Variants in TLN2 observed in about 807,000 individuals in gnomAD.
TLN2 encodes talin 2.
TLN2 carries 118 observed loss-of-function variants against 294.7 expected under a neutral mutation model. The ratio of observed to expected loss-of-function variants is 0.40; its 90% CI spans 0.34 to 0.47. The LOEUF (loss-of-function observed/expected upper bound fraction) is 0.47. TLN2 is among the 20% of genes least tolerant of loss of function. TLN2 has a pLI of 0.84. For synonymous variants in TLN2, 1,431 were observed against 1,304.5 expected (o/e 1.10, Z -2.09); for missense variants, 3,083 against 3,282.2 (o/e 0.94, Z 1.48).
At chr15:62,613,665 G>A (rs116177330) in intron 2 of TLN2, among the ~76,000 whole-genome samples, 584 of 152,166 alleles carry the variant, frequency 3.8e-3, no homozygotes, top group African/African-American at 0.013. Context: ...ACTCTTTACC[G>A]TAAGCTTTAT....
chr15:62,595,281 G>C (rs1027486716), intron 2 of TLN2, among the ~76,000 whole-genome samples: 2 of 152,014 alleles, frequency 1.3e-5, no homozygotes, highest in African/African-American at 4.8e-5. Context: ...TTAACCAGAC[G>C]TGGTGGTGGG....
At chr15:62,777,202 G>C (rs1406435915) in intron 43 of TLN2, among the ~76,000 whole-genome samples, 1 of 152,150 alleles carries the variant, frequency 6.6e-6, no homozygotes, top group African/African-American at 2.4e-5. Context: ...CTACTTCATA[G>C]GGTTTGTTGT....
chr15:62,701,392 G>A (rs1250908694), intron 17 of TLN2, among the ~76,000 whole-genome samples, 178 bp downstream of exon 17: 1 of 152,156 alleles, frequency 6.6e-6, no homozygotes, highest in Non-Finnish European at 1.5e-5. Flanking sequence ...AGGAGAGTGG[G>A]AAGGAACATC....
At chr15:62,526,920 A>G (rs1407896374) in intron 1 of TLN2, among the ~76,000 whole-genome samples, 1 of 152,196 alleles carries the variant, frequency 6.6e-6, no homozygotes, top group African/African-American at 2.4e-5. Context: ...ATGTTTTGAT[A>G]TTGTAGCATG....
At chr15:62,482,676 A>G (rs1463387826) in intron 1 of TLN2, among the ~76,000 whole-genome samples, 4 of 151,214 alleles carry the variant, frequency 2.6e-5, no homozygotes, top group East Asian at 1.9e-4. Context: ...ACAGAATGTT[A>G]TTAATCTTTA....
chr15:62,649,538 C>T (rs574093025), intron 4 of TLN2, among the ~76,000 whole-genome samples: 7 of 152,226 alleles, frequency 4.6e-5, no homozygotes, highest in Admixed American at 4.6e-4. Context: ...TAATTTTGCA[C>T]CTTTTACATG....
At chr15:62,519,987 G>T (rs538392174) in intron 1 of TLN2, among the ~76,000 whole-genome samples, 1 of 152,344 alleles carries the variant, frequency 6.6e-6, no homozygotes, top group East Asian at 1.9e-4. Context: ...AAGGCGAAAG[G>T]CACGTCTTAC....
Position 62,647,410 on chromosome 15 carries a change from A to G in TLN2, c.100A>G (p.Ile34Val), listed in dbSNP as rs1251039802. ...AGCTGTGTACGATGCGTGTCGAGTC[A>G]TTCGGGAACGGGTGCCTGAGGCACA... ...STAVYDACRV[I>V]RERVPEAQTG... The change falls in exon 4 of 59, where the codon ATT becomes GTT. Residue 34 changes from isoleucine (I) to valine (V), a missense_variant. Physicochemically the swap from Ile to Val is conservative, Grantham distance 29 (BLOSUM62 3). Transcript: ENST00000636159. 6.2e-7 allele frequency: 1 copy of G among 1,614,240 alleles called. No individual in the cohort carries two copies. The highest frequency in any genetic ancestry group is 8.5e-7 in the Non-Finnish European group (1 of 1,180,032).
rs143971939 is a variant in TLN2, at chr15:62,465,424, C to T, written c.-238+74739C>T. ...GATAATTGTATGGAGGCAGTGAAAA[C>T]CGTAATCCTCTCCCCTAGTCAGGCC... On this transcript the variant is annotated intron_variant, in intron 1 of 58. Transcript: ENST00000636159. 7.5e-3 allele frequency among the ~76,000 whole-genome samples: 1,148 copies of T among 152,240 alleles called. 12 individuals are homozygous for T. Among genetic ancestry groups the T allele is most frequent in the African/African-American group, 0.025 (1,054 of 41,518 alleles).
At chr15:62,401,439 A>G (rs2033011307) in intron 1 of TLN2, among the ~76,000 whole-genome samples, 1 of 152,162 alleles carries the variant, frequency 6.6e-6, no homozygotes, top group South Asian at 2.1e-4. Context: ...GGAGTGCAGG[A>G]AACAAAGAGA....
rs114262014 is a variant in TLN2 at position 62,582,514 on chromosome 15, A to G, written c.-237-7173A>G. ...AAGTACAGAAATTGAGATGTGGTCA[A>G]TGAAGTCTCCTTGGAGCAGGTGGAA... On this transcript the variant is annotated intron_variant, in intron 1 of 58. Transcript: ENST00000636159. Among the ~76,000 whole-genome samples, 748 of 152,336 alleles carry G rather than the reference A, an allele frequency of 4.9e-3. 13 individuals are homozygous for G. Among genetic ancestry groups the G allele is most frequent in the African/African-American group, 0.017 (720 of 41,552 alleles).
chr15:62,606,419 T>G (rs1273114884), intron 2 of TLN2, among the ~76,000 whole-genome samples: 1 of 152,120 alleles, frequency 6.6e-6, no homozygotes, highest in Non-Finnish European at 1.5e-5. Flanking sequence ...AGGTTGAAAT[T>G]ATTGTAAATA....
At chr15:62,648,404 C>CAAAA (rs66528062) in intron 4 of TLN2, among the ~76,000 whole-genome samples, 12 of 61,870 alleles carry the variant, frequency 1.9e-4, no homozygotes, top group African/African-American at 3.2e-4. Flanking sequence ...GACCCTGACT[C>CAAAA]AAAAAAAAAA....
chr15:62,834,235 A>G (rs2069208358), intron 55 of TLN2: 1 of 152,168 alleles, frequency 6.6e-6, no homozygotes, highest in Non-Finnish European at 1.5e-5. Flanking sequence ...CTGGATATGG[A>G]ACAGTCTTCC....
chr15:62,697,895 C>G (rs1438843401), intron 15 of TLN2, 27 bp downstream of exon 15: 1 of 1,604,604 alleles, frequency 6.2e-7, no homozygotes, highest in Admixed American at 1.7e-5. Context: ...TCGTCCCCCA[C>G]TCGTTAGTCT....
chr15:62,667,167 C>T (rs903711284), intron 9 of TLN2, among the ~76,000 whole-genome samples: 43 of 152,188 alleles, frequency 2.8e-4, no homozygotes, highest in East Asian at 1.4e-3. Flanking sequence ...GGGGTTTCAC[C>T]ATGTTAGCCA....
At chr15:62,702,929 C>G in intron 19 of TLN2, 65 bp downstream of exon 19, 1 of 1,427,710 alleles carries the variant, frequency 7.0e-7, no homozygotes, top group Non-Finnish European at 9.9e-7. Context: ...CCCGAGCAGG[C>G]AGAATGTAAT....
chr15:62,702,949 C>T (rs1332571465), intron 19 of TLN2, 85 bp downstream of exon 19: 2 of 1,232,740 alleles, frequency 1.6e-6, no homozygotes, highest in East Asian at 4.7e-5. Context: ...TATTTGAAAA[C>T]TAACTAAATC....
At chr15:62,447,893 A>T (rs961183146) in intron 1 of TLN2, among the ~76,000 whole-genome samples, 5 of 152,148 alleles carry the variant, frequency 3.3e-5, no homozygotes, top group Admixed American at 6.5e-5. Flanking sequence ...ATTACAAGCC[A>T]ATTCGTAGGC....
Sources: allele counts gnomAD v4.1 joint callset (sites outside exome capture counted in the v4.1 genomes callset), GRCh38; gene constraint gnomAD v4.1.1; transcripts MANE v1.5; gene names NCBI Gene and HGNC (gene_info 2026-07-23, HGNC 2026-07-21).